IL1RAPL2: variants seen among roughly 807,000 people sequenced by gnomAD.
The protein encoded by IL1RAPL2 is interleukin 1 receptor accessory protein like 2, also known as X-linked interleukin-1 receptor accessory protein-like 2.
In IL1RAPL2, 3 loss-of-function variants were observed where a neutral mutation model predicts 44.1. The observed-to-expected ratio is 0.07, with a 90% CI of 0.03 to 0.18. The LOEUF (loss-of-function observed/expected upper bound fraction) is 0.18. IL1RAPL2 is among the 10% of genes least tolerant of loss of function. The probability of loss-of-function intolerance (pLI) is 1.00; values close to 1 mark genes in which losing one functional copy is unlikely to be tolerated. For missense variants in IL1RAPL2, 391 were observed against 496.4 expected (o/e 0.79, Z 2.02); for synonymous variants, 181 against 178.8 (o/e 1.01, Z -0.10).
chrX:105,498,077 A>G (rs1043687125), intron 6 of IL1RAPL2, among the ~76,000 whole-genome samples: 2 of 112,120 alleles, frequency 1.8e-5, no homozygotes, highest in African/African-American at 6.5e-5. Context: ...AGAAAAAGAA[A>G]AAAAGGCATT....
intron 2 of IL1RAPL2, among the ~76,000 whole-genome samples, chrX:104,713,853 G>A (rs1296389730): frequency 1.8e-5 from 2 of 110,697 alleles, no homozygotes; most frequent in Non-Finnish European, 3.8e-5. Flanking sequence ...CCCCTCATGG[G>A]CCATTGGTCA....
rs763809961 is a variant in IL1RAPL2 at position 105,549,164 on chromosome X, G to GTATGTGTA, written c.772+64785_772+64792dup. On this transcript the variant is annotated intron_variant, in intron 6 of 10. Transcript: ENST00000372582. ...CCTGATGTGCACAGATGAGGTGTGT[G>GTATGTGTA]TATGTGTATATGTGTTTATCACTAA... Among the ~76,000 whole-genome samples the GTATGTGTA allele has an allele frequency of 2.0e-4, 22 of 111,897 alleles. No individual in the cohort carries two copies. The East Asian group carries it at 5.9e-3, about 30-fold the overall frequency.
rs1207473981 is a variant in IL1RAPL2, at chrX:105,072,669, T to C, written c.83-122806T>C. On this transcript the variant is annotated intron_variant, in intron 2 of 10. Coordinates refer to ENST00000372582, the MANE Select transcript of IL1RAPL2 (RefSeq NM_017416.2). ...TAAATTATTACTATACTTTAAGTTC[T>C]GTGGTATATGTAGAGGACGTGCAGT... 4.5e-5 allele frequency among the ~76,000 whole-genome samples: 5 copies of C among 111,014 alleles called. No homozygotes were observed. In the East Asian group the frequency reaches 1.4e-3, roughly 31 times the overall value.
intron 4 of IL1RAPL2, among the ~76,000 whole-genome samples, chrX:105,265,247 C>T (rs2034393066): frequency 8.9e-6 from 1 of 112,136 alleles, no homozygotes; most frequent in Non-Finnish European, 1.9e-5. Context: ...TTTTCATTTT[C>T]CTTTCCTCTC....
chrX:105,237,687 G>T (rs1556203302), intron 4 of IL1RAPL2, among the ~76,000 whole-genome samples: 1 of 111,536 alleles, frequency 9.0e-6, no homozygotes, highest in Admixed American at 9.6e-5. Context: ...TGTTGATGGG[G>T]TTGTTTTTTT....
intron 5 of IL1RAPL2, among the ~76,000 whole-genome samples, chrX:105,321,961 C>A (rs183810895): frequency 1.5e-4 from 17 of 112,869 alleles, no homozygotes; most frequent in Non-Finnish European, 3.2e-4. Flanking sequence ...GCAGCCCTAG[C>A]AGGCCAAGGG....
intron 2 of IL1RAPL2, among the ~76,000 whole-genome samples, chrX:105,025,365 T>C (rs2031351686): frequency 1.8e-5 from 2 of 111,527 alleles, no homozygotes; most frequent in Admixed American, 1.9e-4. Context: ...AACAATTACT[T>C]CTGCCCTCTA....
intron 5 of IL1RAPL2, among the ~76,000 whole-genome samples, chrX:105,472,838 C>T (rs997036447): frequency 4.5e-5 from 5 of 111,996 alleles, no homozygotes; most frequent in African/African-American, 1.6e-4. Flanking sequence ...AGTAAAACTA[C>T]TTTATTTTCA....
chrX:105,707,617 T>C (rs1304244765), intron 6 of IL1RAPL2, among the ~76,000 whole-genome samples: 1 of 111,911 alleles, frequency 8.9e-6, no homozygotes, highest in East Asian at 2.8e-4. Flanking sequence ...TGTCTGCTTT[T>C]ATATTTCTCC....
At chrX:104,949,580 A>C (rs1215062987) in intron 2 of IL1RAPL2, among the ~76,000 whole-genome samples, 3 of 105,079 alleles carry the variant, frequency 2.9e-5, no homozygotes, top group African/African-American at 1.0e-4. Flanking sequence ...CCCTCTACAC[A>C]CTGCTTTGAA....
intron 2 of IL1RAPL2, among the ~76,000 whole-genome samples, chrX:104,848,133 C>T (rs1381722244): frequency 1.8e-5 from 2 of 110,298 alleles, no homozygotes; most frequent in African/African-American, 6.6e-5. Flanking sequence ...ATCATGTCAT[C>T]TGCAAACAGG....
At chrX:105,603,113 G>A (rs2037266149) in intron 6 of IL1RAPL2, among the ~76,000 whole-genome samples, 1 of 109,443 alleles carries the variant, frequency 9.1e-6, no homozygotes, top group African/African-American at 3.3e-5. Context: ...AGAAAGGAAC[G>A]AAAGAAATGC....
intron 2 of IL1RAPL2, among the ~76,000 whole-genome samples, chrX:104,931,901 T>A (rs56091831): frequency 9.2e-6 from 1 of 108,689 alleles, no homozygotes; most frequent in African/African-American, 3.3e-5. Context: ...GAAAAGACTT[T>A]AAAATCTCAA....
chrX:105,212,959 A>T (rs782211242), intron 3 of IL1RAPL2, among the ~76,000 whole-genome samples: 1 of 111,943 alleles, frequency 8.9e-6, no homozygotes, highest in South Asian at 3.7e-4. Context: ...GCCCCACACA[A>T]ACACCCCATC....
chrX:104,656,958 T>C (rs1189864125), intron 1 of IL1RAPL2, among the ~76,000 whole-genome samples: 1 of 111,249 alleles, frequency 9.0e-6, no homozygotes, highest in East Asian at 2.8e-4. Flanking sequence ...TTGATCTTTG[T>C]AGGTTTAAAG....
At chrX:105,471,035 T>C (rs1402989122) in intron 5 of IL1RAPL2, among the ~76,000 whole-genome samples, 2 of 111,946 alleles carry the variant, frequency 1.8e-5, no homozygotes, top group East Asian at 5.6e-4. Flanking sequence ...TACTGTGGGG[T>C]AATTAATTGG....
chrX:105,538,375 A>C (rs1231736028), intron 6 of IL1RAPL2, among the ~76,000 whole-genome samples: 4 of 109,570 alleles, frequency 3.7e-5, no homozygotes, highest in Non-Finnish European at 7.6e-5. Flanking sequence ...ATCAACATTA[A>C]CCTGCCTTAG....
At chrX:105,460,498 C>T (rs1408766936) in intron 5 of IL1RAPL2, among the ~76,000 whole-genome samples, 1 of 110,207 alleles carries the variant, frequency 9.1e-6, no homozygotes, top group East Asian at 2.9e-4. Flanking sequence ...CTTCTTTTTA[C>T]ATTGGGTCTC....
chrX:105,511,967 C>T (rs1192306225), intron 6 of IL1RAPL2, among the ~76,000 whole-genome samples: 2 of 107,932 alleles, frequency 1.9e-5, no homozygotes, highest in Admixed American at 1.9e-4. Flanking sequence ...CTAAGAGAGA[C>T]TAAAAACTTG....
Sources: gnomAD v4.1 joint callset for allele counts (sites outside exome capture counted in the v4.1 genomes callset) on GRCh38, gnomAD v4.1.1 for gene constraint, MANE v1.5 for transcripts, NCBI Gene and HGNC (gene_info 2026-07-23, HGNC 2026-07-21) for gene names.